The following ESRP2 variants were observed in gnomAD, a reference collection of about 807,000 sequenced individuals.
ESRP2 encodes the protein RNA binding motif protein 35A.
Under a neutral mutation model 78.6 loss-of-function variants are expected in ESRP2, and 48 were observed. The observed-to-expected ratio is 0.61, with a 90% CI of 0.48 to 0.78. ESRP2 has a LOEUF of 0.78. Among genes scored for constraint, ESRP2 ranks in the 30% least tolerant of loss-of-function variants. The probability of loss-of-function intolerance (pLI) is 0.00; values close to 1 mark genes in which losing one functional copy is unlikely to be tolerated. For synonymous variants in ESRP2, 383 were observed against 406.7 expected (o/e 0.94, Z 0.70); for missense variants, 863 against 965.9 (o/e 0.89, Z 1.41).
rs375058186 is a variant in ESRP2, at chr16:68,233,911, G to A, written c.442-29C>T. 151 of 1,595,762 alleles carry A rather than the reference G, an allele frequency of 9.5e-5. No individual in the cohort carries two copies. The African/African-American group carries it at 1.2e-3, about 13-fold the overall frequency. On this transcript the variant is annotated intron_variant, in intron 3 of 14. Coordinates refer to ENST00000473183, the MANE Select transcript of ESRP2 (RefSeq NM_024939.3). ...GGGGCACATAGGATTGAGGATGAGC[G>A]CCCTGCCCACCCTCAGGACAAGAGG...
At position 68,233,854 on chromosome 16, in the gene ESRP2, GAGA is replaced by G. The variant is rs771845554; in HGVS notation, c.467_469del (p.Phe156del). The stretch of plus-strand genomic sequence containing the variant: ...GAATTCTCTTCGGAGGTCATAGAAG[GAGA>G]AGAACATGTCGGGGAGCACCAGGTT... On this transcript the variant is annotated inframe_deletion, in exon 4 of 15. Coordinates refer to ENST00000473183, the MANE Select transcript of ESRP2 (RefSeq NM_024939.3). 4.3e-6 allele frequency: 7 copies of G among 1,614,008 alleles called. No homozygotes were observed. The highest frequency in any genetic ancestry group is 2.7e-5 in the African/African-American group (2 of 74,928).
intron 14 of ESRP2, 35 bp downstream of exon 14, chr16:68,230,354 C>G: frequency 6.2e-7 from 1 of 1,614,068 alleles, no homozygotes; most frequent in African/African-American, 1.3e-5. Flanking sequence ...AGAGCTCAGC[C>G]AGACCCGCCA....
rs2042136886 is a variant in ESRP2 at position 68,231,362 on chromosome 16, G to A, written c.1527C>T (p.Gly509=). ...MVLNQQGRPS[G]DAFIQMTSAE... The stretch of plus-strand genomic sequence containing the variant: ...CTGATGTCATCTGAATGAAGGCATC[G>A]CCCGATGGCCGGCCCTGTGCACACC... The change falls in exon 12 of 15, where the codon GGC becomes GGT. Residue 509 remains glycine, a synonymous_variant. Coordinates refer to ENST00000473183, the MANE Select transcript of ESRP2 (RefSeq NM_024939.3). The surrounding 1 kb of genome is among the most constrained non-coding windows in gnomAD (Gnocchi z 6.0). The A allele has an allele frequency of 3.7e-6, 6 of 1,613,968 alleles. No individual in the cohort carries two copies. Among genetic ancestry groups the A allele is most frequent in the South Asian group, 1.1e-5 (1 of 91,090 alleles).
Position 68,232,756 on chromosome 16 carries a change from C to T in ESRP2, c.710+5G>A. 2 of 1,614,278 alleles carry T rather than the reference C, an allele frequency of 1.2e-6. No individual in the cohort carries two copies. The highest frequency in any genetic ancestry group is 1.7e-6 in the Non-Finnish European group (2 of 1,180,048). On this transcript the variant is annotated splice_donor_5th_base_variant and intron_variant, in intron 6 of 14. Coordinates refer to ENST00000473183, the MANE Select transcript of ESRP2 (RefSeq NM_024939.3). The surrounding 1 kb of genome is among the most constrained non-coding windows in gnomAD (Gnocchi z 5.2). ...GTCACCCCCAGCCCCTGCTCCCACA[C>T]TCACCAAGGCCCCGTCTCGTATTTC...
At chr16:68,234,133 A>AATGGGGATAGGG (rs1164173069) in intron 2 of ESRP2, 26 bp from the exon 3 acceptor site, 27 of 1,545,154 alleles carry the variant, frequency 1.7e-5, no homozygotes, top group Non-Finnish European at 2.2e-5. Context: ...GGGGAGAGAG[A>AATGGGGATAGGG]AACACACAGA....
At position 68,230,176 on chromosome 16, in the gene ESRP2, G is replaced by C. The variant is rs1289774608; in HGVS notation, c.*50C>G. On this transcript the variant is annotated 3_prime_UTR_variant, in exon 15 of 15. Transcript: ENST00000473183. The stretch of plus-strand genomic sequence containing the variant: ...GTGCTGGTCTTCTGGACTCAGGAGA[G>C]ACATGTTCGCCGAGGATATCAGCTG... 2 of 1,554,336 alleles carry C rather than the reference G, an allele frequency of 1.3e-6. No homozygotes were observed. The highest frequency in any genetic ancestry group is 2.7e-5 in the African/African-American group (2 of 73,630).
intron 13 of ESRP2, 50 bp downstream of exon 13, chr16:68,230,791 C>T: frequency 6.2e-7 from 1 of 1,606,920 alleles, no homozygotes; most frequent in Middle Eastern, 1.7e-4. Context: ...GACCTTTCCC[C>T]AGATTGGGAC....
In ESRP2 at chr16:68,233,391, G is replaced by C. The variant is rs1243079844; in HGVS notation, c.591C>G (p.Asp197Glu). The C allele has an allele frequency of 6.2e-7, 1 of 1,614,034 alleles. No homozygotes were observed. Among genetic ancestry groups the C allele is most frequent in the Admixed American group, 1.7e-5 (1 of 60,022 alleles). The change falls in exon 5 of 15, where the codon GAC (aspartate) becomes GAG (glutamate). Residue 197 changes from aspartate (D) to glutamate (E), a missense_variant. Transcript: ENST00000473183. ...LGLETDATED[D>E]FGVWEVKTMV... ...TTGTCTTGACTTCCCAGACCCCAAA[G>C]TCATCCTCTGTGGCATCTGTCTCCA...
intron 2 of ESRP2, chr16:68,234,366 A>C: frequency 2.2e-6 from 1 of 456,580 alleles, no homozygotes; most frequent in Non-Finnish European, 4.0e-6. Flanking sequence ...CTCAACACAC[A>C]CACTCCAGGA....
chr16:68,235,122 C>G lies in ESRP2; in HGVS notation c.327+512G>C. Reference sequence around the variant, plus strand: ...CCAGGCCAGGCCGGGACAGCGCCCACGCCTGGCCAGCCGGCCGGGACAGGC... The same window carrying G: ...CCAGGCCAGGCCGGGACAGCGCCCAGGCCTGGCCAGCCGGCCGGGACAGGC... On this transcript the variant is annotated intron_variant, in intron 2 of 14. Coordinates refer to ENST00000473183, the MANE Select transcript of ESRP2 (RefSeq NM_024939.3). This position sits in a 1 kb window ranked among gnomAD's most constrained non-coding sequence, Gnocchi z 5.5. 1 of 991,546 alleles carries G rather than the reference C, an allele frequency of 1.0e-6. No individual in the cohort carries two copies. Among genetic ancestry groups the G allele is most frequent in the South Asian group, 4.5e-5 (1 of 22,054 alleles). 61.4% of individuals were successfully genotyped at this position (991,546 alleles called of 1,614,324 possible).
Position 68,230,914 on chromosome 16 carries a change from C to A in ESRP2, c.1825G>T (p.Ala609Ser). The A allele has an allele frequency of 6.2e-7, 1 of 1,613,736 alleles. No individual in the cohort carries two copies. Among genetic ancestry groups the A allele is most frequent in the Non-Finnish European group, 8.5e-7 (1 of 1,179,840 alleles). ...GGATAGTAGGCAACAGGGGTGGGGG[C>A]AGCAGGCACCCTGGCAGCTGGGAGC... ...ALLPAARVPA[A>S]PTPVAYYPGP... Residue 609 changes from alanine to serine, a missense_variant, in exon 13 of 15, where the codon GCC becomes TCC. Transcript: ENST00000473183.
Position 68,231,396 on chromosome 16 carries a change from A to T in ESRP2, c.1513-20T>A, listed in dbSNP as rs2042137551. 1 of 1,613,866 alleles carries T rather than the reference A, an allele frequency of 6.2e-7. No individual in the cohort carries two copies. Among genetic ancestry groups the T allele is most frequent in the Admixed American group, 1.7e-5 (1 of 59,994 alleles). ...CCGGCCCTGTGCACACCATCTTGTGAGCAGTTTGTCATGTGTAAGAGTGCC... is the reference window on the plus strand; with the variant it reads ...CCGGCCCTGTGCACACCATCTTGTGTGCAGTTTGTCATGTGTAAGAGTGCC... On this transcript the variant is annotated intron_variant, in intron 11 of 14. Coordinates refer to ENST00000473183, the MANE Select transcript of ESRP2 (RefSeq NM_024939.3). The surrounding 1 kb of genome is among the most constrained non-coding windows in gnomAD (Gnocchi z 6.0).
rs571963600 is a variant in ESRP2, at chr16:68,232,190, G to A, written c.997+56C>T. The A allele has an allele frequency of 2.1e-5, 34 of 1,613,782 alleles. No individual in the cohort carries two copies. In the South Asian group the frequency reaches 3.1e-4, roughly 15 times the overall value. ...GGAGCAGGCAGGCAAGGGGTGGTGG[G>A]GAAGTGAAATGGATCAAGAACCAGG... On this transcript the variant is annotated intron_variant, in intron 9 of 14. Transcript: ENST00000473183. This position sits in a 1 kb window ranked among gnomAD's most constrained non-coding sequence, Gnocchi z 5.2.
In ESRP2 at chr16:68,232,964, C is replaced by CAA; in HGVS notation, c.656-151_656-150dup. 9.1e-7 allele frequency: 1 copy of CAA among 1,102,908 alleles called. No individual in the cohort carries two copies. The highest frequency in any genetic ancestry group is 1.3e-6 in the Non-Finnish European group (1 of 760,340). The allele number at this position is 1,102,908 out of a possible 1,614,324, so 68.3% of individuals were successfully genotyped here. A position where few individuals can be genotyped will look rare whatever the true frequency, so the allele number is the denominator to read the frequency against. ...CTATAATCCCAGCACTTTGGGAGGC[C>CAA]AAGGTGGGTGGATCATTTGAGGTCA... On this transcript the variant is annotated intron_variant, in intron 5 of 14. Transcript: ENST00000473183. The surrounding 1 kb of genome is among the most constrained non-coding windows in gnomAD (Gnocchi z 5.2).
intron 4 of ESRP2, 79 bp from the exon 5 acceptor site, chr16:68,233,504 A>C: frequency 9.3e-7 from 1 of 1,069,890 alleles, no homozygotes; most frequent in Non-Finnish European, 1.5e-6. Flanking sequence ...ACTCCCCTCC[A>C]TAGACACATG....
Position 68,230,142 on chromosome 16 carries a change from A to G in ESRP2, c.*84T>C. 1 of 1,300,762 alleles carries G rather than the reference A, an allele frequency of 7.7e-7. No individual in the cohort carries two copies. The highest frequency in any genetic ancestry group is 1.1e-6 in the Non-Finnish European group (1 of 898,462). 80.6% of individuals were successfully genotyped at this position (1,300,762 alleles called of 1,614,324 possible). ...TTTGACAAGCCAGAAAGAAGCTACC[A>G]GGTTGAGGGTGCTGGTCTTCTGGAC... On this transcript the variant is annotated 3_prime_UTR_variant, in exon 15 of 15. Coordinates refer to ENST00000473183, the MANE Select transcript of ESRP2 (RefSeq NM_024939.3).
At position 68,233,425 on chromosome 16, in the gene ESRP2, C is replaced by T. The variant is rs1314978210; in HGVS notation, c.557G>A (p.Gly186Asp). The change falls in exon 5 of 15, where the codon GGT becomes GAT. Residue 186 changes from glycine to aspartate, a missense_variant and splice_region_variant. Gly to Asp is a moderately conservative substitution (Grantham distance 94). Coordinates refer to ENST00000473183, the MANE Select transcript of ESRP2 (RefSeq NM_024939.3). ...TGTGGCATCTGTCTCCAGTCCTAAA[C>T]CTATGGGCAGAGAAGTGACAGTGAA... Reference protein sequence around the residue: ...RDLTVATMAQGLGLETDATED... With the variant: ...RDLTVATMAQDLGLETDATED... 2.5e-6 allele frequency: 4 copies of T among 1,611,394 alleles called. No homozygotes were observed. The highest frequency in any genetic ancestry group is 2.5e-6 in the Non-Finnish European group (3 of 1,177,664).
At position 68,232,229 on chromosome 16, in the gene ESRP2, G is replaced by A; in HGVS notation, c.997+17C>T. ...TCAAGAACCAGGGGAGCCAGGCCCT[G>A]TTTGCAGTATACTCACCCCCTGCAA... On this transcript the variant is annotated intron_variant, in intron 9 of 14. Coordinates refer to ENST00000473183, the MANE Select transcript of ESRP2 (RefSeq NM_024939.3). This position sits in a 1 kb window ranked among gnomAD's most constrained non-coding sequence, Gnocchi z 5.2. 6.2e-7 allele frequency: 1 copy of A among 1,614,124 alleles called. No homozygotes were observed. The highest frequency in any genetic ancestry group is 1.1e-5 in the South Asian group (1 of 91,086).
At position 68,232,977 on chromosome 16, in the gene ESRP2, T is replaced by C. The variant is rs1261752135; in HGVS notation, c.656-162A>G. Among the ~76,000 whole-genome samples the C allele has an allele frequency of 1.3e-5, 2 of 151,972 alleles. No individual in the cohort carries two copies. The highest frequency in any genetic ancestry group is 6.5e-5 in the Admixed American group (1 of 15,270). On this transcript the variant is annotated intron_variant, in intron 5 of 14. Transcript: ENST00000473183. The surrounding 1 kb of genome is among the most constrained non-coding windows in gnomAD (Gnocchi z 5.2). ...ACTTTGGGAGGCCAAGGTGGGTGGA[T>C]CATTTGAGGTCAGGAGTTCCAGACC...
Sources: allele counts gnomAD v4.1 joint callset (sites outside exome capture counted in the v4.1 genomes callset), GRCh38; gene constraint gnomAD v4.1.1; non-coding constraint Gnocchi (gnomAD v3.1); transcripts MANE v1.5; gene names NCBI Gene and HGNC (gene_info 2026-07-23, HGNC 2026-07-21).